Variants in MITF observed in about 807,000 individuals in gnomAD.
MITF encodes the protein microphthalmia-associated transcription factor.
Under a neutral mutation model 60.5 loss-of-function variants are expected in MITF, and 17 were observed. The observed-to-expected ratio is 0.28, with a 90% CI of 0.19 to 0.42. The LOEUF (loss-of-function observed/expected upper bound fraction) is 0.42. MITF is among the 10% of genes least tolerant of loss of function. The pLI is 1.00. For missense variants in MITF, 622 were observed against 683.5 expected, an observed-to-expected ratio of 0.91 and a Z score of 1.00; for synonymous variants, 260 against 248.5, an observed-to-expected ratio of 1.05 and a Z score of -0.43.
intron 1 of MITF, among the ~76,000 whole-genome samples, chr3:69,751,329 A>G (rs536978544): frequency 3.3e-5 from 5 of 152,350 alleles, no homozygotes; most frequent in South Asian, 4.1e-4. Flanking sequence ...ACCAGCCAGC[A>G]TCTGTTTTGT....
chr3:69,898,415 A>T (rs771076665), intron 2 of MITF, among the ~76,000 whole-genome samples: 3 of 152,212 alleles, frequency 2.0e-5, no homozygotes, highest in Admixed American at 2.0e-4. Context: ...TGTGATCAAG[A>T]TAGTGAAGTC....
intron 1 of MITF, among the ~76,000 whole-genome samples, chr3:69,772,226 A>G (rs2062404854): frequency 6.6e-6 from 1 of 152,168 alleles, no homozygotes; most frequent in Admixed American, 6.5e-5. Context: ...TAGTTTTAAT[A>G]TCTACCCTTG....
At chr3:69,805,688 G>A (rs565029716) in intron 1 of MITF, among the ~76,000 whole-genome samples, 80 of 152,034 alleles carry the variant, frequency 5.3e-4, no homozygotes, top group African/African-American at 9.9e-4. Flanking sequence ...TGACGAGGTC[G>A]TTCTCTGTCA....
chr3:69,948,448 C>T (rs1328048093), intron 5 of MITF, among the ~76,000 whole-genome samples: 1 of 150,220 alleles, frequency 6.7e-6, no homozygotes, highest in Non-Finnish European at 1.5e-5. Context: ...TTTTTGCTCT[C>T]TTTTAAAGTC....
At position 69,949,172 on chromosome 3, in the gene MITF, A is replaced by C; in HGVS notation, c.880+4A>C. 6.3e-7 allele frequency: 1 copy of C among 1,593,694 alleles called. No homozygotes were observed. Among genetic ancestry groups the C allele is most frequent in the South Asian group, 1.1e-5 (1 of 90,678 alleles). ...AACATAAAAAGGGAGCTCACAGGTA[A>C]ACACCTAGTAAATGTGCCTCTTACT... is the stretch of plus-strand genomic sequence containing the variant. On this transcript the variant is annotated splice_donor_region_variant and intron_variant, in intron 6 of 9. Coordinates refer to ENST00000352241, the MANE Select transcript of MITF (RefSeq NM_001354604.2).
intron 1 of MITF, among the ~76,000 whole-genome samples, chr3:69,877,497 A>G (rs936010785): frequency 2.7e-5 from 4 of 149,556 alleles, no homozygotes; most frequent in African/African-American, 9.8e-5. Flanking sequence ...ACTATTTTGT[A>G]TCTGGCTTTT....
At chr3:69,897,286 A>G (rs2064897176) in intron 2 of MITF, among the ~76,000 whole-genome samples, 1 of 152,084 alleles carries the variant, frequency 6.6e-6, no homozygotes, top group African/African-American at 2.4e-5. Context: ...TGATTTGGGG[A>G]ATGAGTGATG....
rs2066689857 is a variant in MITF at position 69,966,345 on chromosome 3, C to T, written c.*1097C>T. 1 of 232,842 alleles carries T rather than the reference C, an allele frequency of 4.3e-6. No individual in the cohort carries two copies. Among genetic ancestry groups the T allele is most frequent in the South Asian group, 1.8e-4 (1 of 5,526 alleles). 14.4% of individuals were successfully genotyped at this position (232,842 alleles called of 1,614,324 possible). On this transcript the variant is annotated 3_prime_UTR_variant, in exon 10 of 10. Coordinates refer to ENST00000352241, the MANE Select transcript of MITF (RefSeq NM_001354604.2). ...GCAAGGTCTTGCATTTAAAAGACAG[C>T]TTTGCGAATATTTTGTAAATTACAG...
In MITF at chr3:69,843,014, C is replaced by A. The variant is rs570673776; in HGVS notation, c.105-36120C>A. Reference sequence around the variant, plus strand: ...GCTTTGGCATTGACAACTTTCAGTTCCACTGCCAGATGGGCTGTCCAGTAA... The same window carrying A: ...GCTTTGGCATTGACAACTTTCAGTTACACTGCCAGATGGGCTGTCCAGTAA... On this transcript the variant is annotated intron_variant, in intron 1 of 9. Coordinates refer to ENST00000352241, the MANE Select transcript of MITF (RefSeq NM_001354604.2). 1.3e-4 allele frequency among the ~76,000 whole-genome samples: 20 copies of A among 152,294 alleles called. No individual in the cohort carries two copies. In the South Asian group the frequency reaches 3.9e-3, roughly 30 times the overall value.
intron 2 of MITF, among the ~76,000 whole-genome samples, chr3:69,936,138 G>A (rs1161257085): frequency 6.6e-6 from 1 of 152,142 alleles, no homozygotes; most frequent in Non-Finnish European, 1.5e-5. Flanking sequence ...TGCAAGAAGA[G>A]GCTGTTGAAC....
At chr3:69,806,127 C>G (rs1371391064) in intron 1 of MITF, among the ~76,000 whole-genome samples, 1 of 151,024 alleles carries the variant, frequency 6.6e-6, no homozygotes, top group Non-Finnish European at 1.5e-5. Context: ...CTCTGTCGCC[C>G]AGGCTGGAGT....
At chr3:69,841,294 A>C (rs990526789) in intron 1 of MITF, among the ~76,000 whole-genome samples, 1 of 152,240 alleles carries the variant, frequency 6.6e-6, no homozygotes, top group East Asian at 1.9e-4. Flanking sequence ...GGCAATCTTC[A>C]TGACACTTTA....
intron 2 of MITF, among the ~76,000 whole-genome samples, chr3:69,899,428 A>G (rs1449104127): frequency 1.3e-5 from 2 of 152,222 alleles, no homozygotes; most frequent in Non-Finnish European, 2.9e-5. Context: ...ATGGGAAGCC[A>G]TGGAAAGGCA....
chr3:69,894,957 A>G (rs937646172), intron 2 of MITF, among the ~76,000 whole-genome samples: 1 of 152,206 alleles, frequency 6.6e-6, no homozygotes, highest in Non-Finnish European at 1.5e-5. Context: ...TACTGCAACC[A>G]TGAAATCAAA....
chr3:69,788,711 CA>C (rs2062691918), intron 1 of MITF, among the ~76,000 whole-genome samples: 1 of 152,050 alleles, frequency 6.6e-6, no homozygotes, highest in South Asian at 2.1e-4. Flanking sequence ...TACAAAACTA[CA>C]ATAATCACAA....
chr3:69,886,091 A>G (rs2064610175), intron 2 of MITF, among the ~76,000 whole-genome samples: 1 of 152,116 alleles, frequency 6.6e-6, no homozygotes, highest in Non-Finnish European at 1.5e-5. Context: ...TCCATGGGCC[A>G]CTAGTGGTAA....
At chr3:69,767,731 A>G (rs1158758657) in intron 1 of MITF, among the ~76,000 whole-genome samples, 1 of 152,212 alleles carries the variant, frequency 6.6e-6, no homozygotes, top group Non-Finnish European at 1.5e-5. Flanking sequence ...TGGCTGGAGC[A>G]CCAGGGAGTG....
intron 1 of MITF, among the ~76,000 whole-genome samples, chr3:69,848,198 C>T (rs2063764487): frequency 1.3e-5 from 2 of 152,166 alleles, no homozygotes; most frequent in East Asian, 3.8e-4. Flanking sequence ...CATTTGTGTG[C>T]TTTTCAAGTG....
At chr3:69,813,021 T>G (rs959349594) in intron 1 of MITF, among the ~76,000 whole-genome samples, 1 of 152,166 alleles carries the variant, frequency 6.6e-6, no homozygotes, top group Non-Finnish European at 1.5e-5. Context: ...AAATGTACTA[T>G]TATAAGTGTA....
Sources: gnomAD v4.1 joint callset for allele counts (sites outside exome capture counted in the v4.1 genomes callset) on GRCh38, gnomAD v4.1.1 for gene constraint, MANE v1.5 for transcripts, NCBI Gene and HGNC (gene_info 2026-07-23, HGNC 2026-07-21) for gene names.